The following IL1RAPL1 variants were observed in gnomAD, a reference collection of about 807,000 sequenced individuals.
The protein encoded by IL1RAPL1 is interleukin 1 receptor accessory protein like 1.
Under a neutral mutation model 48.4 loss-of-function variants are expected in IL1RAPL1, and 3 were observed. The ratio of observed to expected loss-of-function variants is 0.06; its 90% CI spans 0.03 to 0.16. The LOEUF is 0.16. Ranked by LOEUF, IL1RAPL1 falls within the 10% of genes least tolerant of loss-of-function variation. IL1RAPL1 has a pLI of 1.00. For synonymous variants in IL1RAPL1, 185 were observed against 187.7 expected, an observed-to-expected ratio of 0.99 and a Z score of 0.12; for missense variants, 349 against 530.6, an observed-to-expected ratio of 0.66 and a Z score of 3.36.
At chrX:29,140,297 G>A (rs1035048065) in intron 2 of IL1RAPL1, among the ~76,000 whole-genome samples, 1 of 111,553 alleles carries the variant, frequency 9.0e-6, no homozygotes, top group Non-Finnish European at 1.9e-5. Flanking sequence ...GAGATTTGAC[G>A]GGGACAAATA....
intron 1 of IL1RAPL1, among the ~76,000 whole-genome samples, chrX:28,782,918 C>T (rs1223206162): frequency 1.8e-5 from 2 of 111,554 alleles, no homozygotes; most frequent in Non-Finnish European, 3.8e-5. Flanking sequence ...TTGTTTATAT[C>T]ATTGCTCTTT....
At chrX:28,600,362 A>G (rs1008035205) in intron 1 of IL1RAPL1, among the ~76,000 whole-genome samples, 6 of 110,962 alleles carry the variant, frequency 5.4e-5, no homozygotes, top group Non-Finnish European at 1.1e-4. Context: ...CAAATATCTA[A>G]TGAGCACGTT....
chrX:29,933,850 G>GAGTGGTC (rs1343241218), intron 8 of IL1RAPL1, among the ~76,000 whole-genome samples: 3 of 110,756 alleles, frequency 2.7e-5, no homozygotes. Flanking sequence ...GACTTGGAAC[G>GAGTGGTC]AGTGGTCAGT....
intron 6 of IL1RAPL1, among the ~76,000 whole-genome samples, chrX:29,709,174 G>A (rs916866752): frequency 1.8e-5 from 2 of 111,521 alleles, no homozygotes; most frequent in East Asian, 2.8e-4. Flanking sequence ...TTTTGCTTTC[G>A]TTACCTGTGC....
chrX:29,208,729 TAATAATAAATA>T (rs1404698627), intron 2 of IL1RAPL1, among the ~76,000 whole-genome samples: 1 of 95,486 alleles, frequency 1.0e-5, no homozygotes, highest in African/African-American at 4.8e-5. Flanking sequence ...ATAATAATAA[TAATAATAAATA>T]AATAAATAAA....
chrX:28,622,081 A>G (rs1015100651), intron 1 of IL1RAPL1, among the ~76,000 whole-genome samples: 14 of 111,616 alleles, frequency 1.3e-4, no homozygotes, highest in African/African-American at 4.2e-4. Context: ...ACGTTAAGCT[A>G]GAAAAGTACT....
At chrX:28,849,816 G>A (rs1471076186) in intron 2 of IL1RAPL1, among the ~76,000 whole-genome samples, 2 of 111,914 alleles carry the variant, frequency 1.8e-5, no homozygotes, top group Non-Finnish European at 3.8e-5. Context: ...CTGCGTATTA[G>A]ACACATTTCT....
intron 2 of IL1RAPL1, among the ~76,000 whole-genome samples, chrX:28,822,935 G>A (rs1936952545): frequency 2.7e-5 from 3 of 111,448 alleles, no homozygotes. Context: ...TATATACCAA[G>A]CTGCTGTATC....
In IL1RAPL1 at chrX:29,155,994, TAATA is replaced by T. The variant is rs1029351468; in HGVS notation, c.83-126939_83-126936del. Among the ~76,000 whole-genome samples, 10 of 111,257 alleles carry T rather than the reference TAATA, an allele frequency of 9.0e-5. No individual in the cohort carries two copies. The East Asian group carries it at 2.2e-3, about 25-fold the overall frequency. On this transcript the variant is annotated intron_variant, in intron 2 of 10. Coordinates refer to ENST00000378993, the MANE Select transcript of IL1RAPL1 (RefSeq NM_014271.4). ...AATTTAGAATTCATTATTTATATTATAATAAATATACATTTGTAATTCATTATTA... is the reference window on the plus strand; with the variant it reads ...AATTTAGAATTCATTATTTATATTATAATATACATTTGTAATTCATTATTA...
chrX:29,534,611 G>A (rs1019977832), intron 5 of IL1RAPL1, among the ~76,000 whole-genome samples: 2 of 111,220 alleles, frequency 1.8e-5, no homozygotes, highest in African/African-American at 6.5e-5. Flanking sequence ...AAGGCAGGAG[G>A]ATGGCTTGAG....
chrX:29,555,633 CTCTT>C (rs1466206324), intron 5 of IL1RAPL1, among the ~76,000 whole-genome samples: 2 of 111,897 alleles, frequency 1.8e-5, no homozygotes, highest in African/African-American at 3.3e-5. Flanking sequence ...GCACATCTGT[CTCTT>C]TCAGTTCTTT....
At chrX:29,889,328 C>T (rs1265235696) in intron 6 of IL1RAPL1, among the ~76,000 whole-genome samples, 2 of 111,919 alleles carry the variant, frequency 1.8e-5, no homozygotes, top group African/African-American at 6.5e-5. Flanking sequence ...ATATTCCCTT[C>T]TAATTTATCT....
intron 1 of IL1RAPL1, among the ~76,000 whole-genome samples, chrX:28,699,418 T>A (rs761671565): frequency 2.0e-4 from 23 of 112,499 alleles, no homozygotes; most frequent in Non-Finnish European, 3.9e-4. Flanking sequence ...TGTTTCAAGT[T>A]GTTTCCACAA....
At chrX:29,320,518 T>G (rs1164744370) in intron 3 of IL1RAPL1, among the ~76,000 whole-genome samples, 1 of 112,336 alleles carries the variant, frequency 8.9e-6, no homozygotes, top group Non-Finnish European at 1.9e-5. Context: ...CTCATGCCTG[T>G]AATCCCAGCG....
chrX:29,847,262 A>G, intron 6 of IL1RAPL1, among the ~76,000 whole-genome samples: 1 of 111,818 alleles, frequency 8.9e-6, no homozygotes, highest in Non-Finnish European at 1.9e-5. Flanking sequence ...AATCAGGACT[A>G]TTTTAATTCA....
intron 2 of IL1RAPL1, among the ~76,000 whole-genome samples, chrX:29,180,877 T>C (rs1300742358): frequency 9.0e-6 from 1 of 111,686 alleles, no homozygotes; most frequent in African/African-American, 3.3e-5. Context: ...TGTATGTACA[T>C]GTGTGTGCAA....
chrX:28,899,054 G>A (rs1923006165), intron 2 of IL1RAPL1, among the ~76,000 whole-genome samples: 1 of 111,414 alleles, frequency 9.0e-6, no homozygotes, highest in Non-Finnish European at 1.9e-5. Flanking sequence ...GTCTGGGGAG[G>A]CCTCAGGAAA....
intron 3 of IL1RAPL1, among the ~76,000 whole-genome samples, chrX:29,326,093 G>A (rs1480917174): frequency 8.9e-6 from 1 of 112,258 alleles, no homozygotes; most frequent in Non-Finnish European, 1.9e-5. Flanking sequence ...CGAACTATCA[G>A]CAATTATGTA....
chrX:29,095,593 C>T (rs746611870), intron 2 of IL1RAPL1, among the ~76,000 whole-genome samples: 1 of 111,450 alleles, frequency 9.0e-6, no homozygotes, highest in East Asian at 2.8e-4. Flanking sequence ...TAATAGAATT[C>T]TGGCAAGATT....
Sources: allele counts gnomAD v4.1 joint callset (sites outside exome capture counted in the v4.1 genomes callset), GRCh38; gene constraint gnomAD v4.1.1; transcripts MANE v1.5; gene names NCBI Gene and HGNC (gene_info 2026-07-23, HGNC 2026-07-21).